Variants in MAP3K5 observed in about 807,000 individuals in gnomAD.
MAP3K5 encodes ASK-1.
In MAP3K5, 56 loss-of-function variants were observed where a neutral mutation model predicts 158.7. The ratio of observed to expected loss-of-function variants is 0.35; its 90% CI spans 0.28 to 0.44. The LOEUF (loss-of-function observed/expected upper bound fraction) is 0.44, where lower values mean the gene tolerates loss of function less well. Among genes scored for constraint, MAP3K5 ranks in the 20% least tolerant of loss-of-function variants. MAP3K5 has a pLI of 1.00. For missense variants in MAP3K5, 1,294 were observed against 1,674.8 expected (o/e 0.77, Z 3.97); for synonymous variants, 579 against 601.7 (o/e 0.96, Z 0.55).
At chr6:136,637,108 T>G in intron 14 of MAP3K5, 1 of 1,400,356 alleles carries the variant, frequency 7.1e-7, no homozygotes, top group Non-Finnish European at 9.3e-7. Context: ...ATCAGGTAAG[T>G]AAAATGCTAA....
Position 136,614,273 on chromosome 6 carries a change from G to A in MAP3K5, c.2164C>T (p.Leu722=), listed in dbSNP as rs777173519. The A allele has an allele frequency of 6.2e-7, 1 of 1,613,040 alleles. No homozygotes were observed. Among genetic ancestry groups the A allele is most frequent in the East Asian group, 2.2e-5 (1 of 44,870 alleles). ...PERDSRYSQP[L]HEEIALHKHL... is the part of the protein sequence containing the mutation. Reference sequence around the variant, plus strand: ...TTATGCAATGCTATTTCTTCATGCAGGGGCTGAGAGTATCTAAAAGACATG... The same window carrying A: ...TTATGCAATGCTATTTCTTCATGCAAGGGCTGAGAGTATCTAAAAGACATG... The change falls in exon 16 of 30, where the codon CTG becomes TTG. Residue 722 remains leucine (L), a synonymous_variant. Transcript: ENST00000359015.
At position 136,582,251 on chromosome 6, in the gene MAP3K5, CGTGTGTGTATACGTGT is replaced by C. The variant is rs1166576450; in HGVS notation, c.3411+1288_3411+1303del. Reference sequence around the variant, plus strand: ...GCAAGAGCAGGCGTGTATGTGTACACGTGTGTGTATACGTGTGTGTGTGTGTGTGTGTGTGTGTGTG... The same window carrying C: ...GCAAGAGCAGGCGTGTATGTGTACACGTGTGTGTGTGTGTGTGTGTGTGTG... On this transcript the variant is annotated intron_variant, in intron 24 of 29. Coordinates refer to ENST00000359015, the MANE Select transcript of MAP3K5 (RefSeq NM_005923.4). 3.6e-3 allele frequency among the ~76,000 whole-genome samples: 520 copies of C among 144,910 alleles called. 1 individual carries two copies. The highest frequency in any genetic ancestry group is 6.9e-3 in the Middle Eastern group (2 of 290).
At chr6:136,651,632 T>C (rs575401409) in intron 10 of MAP3K5, among the ~76,000 whole-genome samples, 1 of 152,298 alleles carries the variant, frequency 6.6e-6, no homozygotes, top group African/African-American at 2.4e-5. Context: ...CAAACTTAGC[T>C]ATATGAAATA....
intron 14 of MAP3K5, among the ~76,000 whole-genome samples, chr6:136,626,252 A>T (rs575954225): frequency 6.6e-6 from 1 of 152,260 alleles, no homozygotes; most frequent in East Asian, 1.9e-4. Context: ...GCCTAATACA[A>T]TGCTAGGGCT....
At chr6:136,627,601 C>G (rs780872587) in intron 14 of MAP3K5, among the ~76,000 whole-genome samples, 46 of 152,264 alleles carry the variant, frequency 3.0e-4, no homozygotes, top group Non-Finnish European at 5.1e-4. Context: ...GGCTAGAGCT[C>G]TCATGAATGG....
chr6:136,711,328 T>TC (rs1414022815), intron 2 of MAP3K5, among the ~76,000 whole-genome samples: 1 of 152,072 alleles, frequency 6.6e-6, no homozygotes, highest in Non-Finnish European at 1.5e-5. Flanking sequence ...CTGTGTGTGT[T>TC]CCCCAAACAA....
Position 136,557,675 on chromosome 6 carries a change from C to T in MAP3K5, c.*83G>A. 3.2e-6 allele frequency: 3 copies of T among 933,242 alleles called. No individual in the cohort carries two copies. The highest frequency in any genetic ancestry group is 5.3e-6 in the Non-Finnish European group (3 of 570,686). The allele number at this position is 933,242 out of a possible 1,614,324, so 57.8% of individuals were successfully genotyped here. On this transcript the variant is annotated 3_prime_UTR_variant, in exon 30 of 30. Coordinates refer to ENST00000359015, the MANE Select transcript of MAP3K5 (RefSeq NM_005923.4). ...ATTTAAAGTGCAGCGCCTTTCTCCT[C>T]TCCCTTCGATTTTCCCACCCCCAAG...
chr6:136,725,023 G>A (rs1781908101), intron 1 of MAP3K5, among the ~76,000 whole-genome samples: 1 of 152,068 alleles, frequency 6.6e-6, no homozygotes. Flanking sequence ...CATATAAATG[G>A]AATCATACAG....
chr6:136,679,338 T>G (rs1336795987), intron 7 of MAP3K5, among the ~76,000 whole-genome samples: 1 of 152,240 alleles, frequency 6.6e-6, no homozygotes, highest in Non-Finnish European at 1.5e-5. Context: ...AAGAAGACAC[T>G]GAGCTCAAGT....
chr6:136,755,595 T>C (rs887802305), intron 1 of MAP3K5, among the ~76,000 whole-genome samples: 2 of 148,676 alleles, frequency 1.3e-5, no homozygotes, highest in African/African-American at 5.0e-5. Context: ...CACACGCCTG[T>C]GGTCACAGCT....
chr6:136,597,971 A>T (rs1775706914), intron 21 of MAP3K5, among the ~76,000 whole-genome samples: 1 of 152,220 alleles, frequency 6.6e-6, no homozygotes, highest in Non-Finnish European at 1.5e-5. Flanking sequence ...TGGACAGGGC[A>T]GATAAATGAC....
At chr6:136,770,081 T>C (rs1485992464) in intron 1 of MAP3K5, among the ~76,000 whole-genome samples, 5 of 152,134 alleles carry the variant, frequency 3.3e-5, no homozygotes, top group Non-Finnish European at 7.4e-5. Context: ...ATGTTCAAAA[T>C]AGGTTTCAAA....
At chr6:136,653,114 G>A (rs1778591084) in intron 10 of MAP3K5, among the ~76,000 whole-genome samples, 1 of 152,154 alleles carries the variant, frequency 6.6e-6, no homozygotes, top group African/African-American at 2.4e-5. Context: ...CAGGGTCTTT[G>A]AAGTACCATA....
In MAP3K5 at chr6:136,792,344, C is replaced by A. The variant is rs1582715176; in HGVS notation, c.-187G>T. 1 of 1,007,892 alleles carries A rather than the reference C, an allele frequency of 9.9e-7. No homozygotes were observed. The highest frequency in any genetic ancestry group is 1.2e-6 in the Non-Finnish European group (1 of 846,870). The allele number at this position is 1,007,892 out of a possible 1,614,324, so 62.4% of individuals were successfully genotyped here. On this transcript the variant is annotated 5_prime_UTR_variant, in exon 1 of 30. Transcript: ENST00000359015. The surrounding 1 kb of genome is among the most constrained non-coding windows in gnomAD (Gnocchi z 5.7). The stretch of plus-strand genomic sequence containing the variant: ...CCGAGGGCACGCCGCTGCCCGGCGG[C>A]GGCTCGCTCCTCCTCGGCGCCTCCG...
chr6:136,591,302 T>C (rs1335907916), intron 23 of MAP3K5, among the ~76,000 whole-genome samples: 1 of 152,256 alleles, frequency 6.6e-6, no homozygotes, highest in Non-Finnish European at 1.5e-5. Flanking sequence ...TTCATTTGTG[T>C]GTCTACGTGG....
chr6:136,731,773 T>C (rs1582602159), intron 1 of MAP3K5, among the ~76,000 whole-genome samples: 1 of 152,182 alleles, frequency 6.6e-6, no homozygotes, highest in South Asian at 2.1e-4. Context: ...ATGGAGGGAA[T>C]GAGCCCAAAG....
chr6:136,688,422 T>TA (rs201421835), intron 7 of MAP3K5, among the ~76,000 whole-genome samples: 164 of 150,218 alleles, frequency 1.1e-3, no homozygotes, highest in African/African-American at 2.3e-3. Flanking sequence ...AAGTATAATT[T>TA]AAAAAAAAAA....
At chr6:136,642,439 C>A in intron 12 of MAP3K5, 81 bp downstream of exon 12, 2 of 972,090 alleles carry the variant, frequency 2.1e-6, no homozygotes, top group Middle Eastern at 2.1e-4. Context: ...ATTTTAAAAT[C>A]ATGATTAGAA....
At chr6:136,616,304 T>G (rs1776560608) in intron 15 of MAP3K5, among the ~76,000 whole-genome samples, 1 of 120,218 alleles carries the variant, frequency 8.3e-6, no homozygotes, top group African/African-American at 4.6e-5. Flanking sequence ...GCTCCTCTTT[T>G]TTTTTTTTTT....
Sources: gnomAD v4.1 joint callset for allele counts (sites outside exome capture counted in the v4.1 genomes callset) on GRCh38, gnomAD v4.1.1 for gene constraint, Gnocchi (gnomAD v3.1) non-coding constraint, MANE v1.5 for transcripts, NCBI Gene and HGNC (gene_info 2026-07-23, HGNC 2026-07-21) for gene names.